Variants in IL1RAPL1 observed in about 807,000 individuals in gnomAD.
The protein encoded by IL1RAPL1 is interleukin 1 receptor accessory protein like 1, also known as interleukin-1 receptor accessory protein-like 1.
A neutral mutation model predicts 48.4 loss-of-function variants in IL1RAPL1; 3 were observed. The ratio of observed to expected loss-of-function variants is 0.06; its 90% confidence interval spans 0.03 to 0.16. The LOEUF is 0.16. IL1RAPL1 is among the 10% of genes least tolerant of loss of function. The pLI is 1.00. For synonymous variants in IL1RAPL1, 185 were observed against 187.7 expected, an observed-to-expected ratio of 0.99 and a Z score of 0.12; for missense variants, 349 against 530.6, an observed-to-expected ratio of 0.66 and a Z score of 3.36.
intron 2 of IL1RAPL1, among the ~76,000 whole-genome samples, chrX:28,943,915 ATCTACT>A (rs1157171226): frequency 1.8e-5 from 2 of 110,778 alleles, no homozygotes; most frequent in African/African-American, 3.3e-5. Context: ...AGATTTGTAA[ATCTACT>A]TTTGTGAAAG....
intron 2 of IL1RAPL1, among the ~76,000 whole-genome samples, chrX:29,123,034 TTTATTTA>T (rs1928828348): frequency 9.2e-6 from 1 of 109,213 alleles, no homozygotes; most frequent in Non-Finnish European, 1.9e-5. Context: ...TATTTATTTA[TTTATTTA>T]TTTTTTGAGA....
intron 6 of IL1RAPL1, among the ~76,000 whole-genome samples, chrX:29,761,829 T>C (rs1928760350): frequency 8.9e-6 from 1 of 112,005 alleles, no homozygotes; most frequent in Non-Finnish European, 1.9e-5. Flanking sequence ...GCACAATATC[T>C]AACAACCTGA....
chrX:28,666,741 G>A (rs994020467), intron 1 of IL1RAPL1, among the ~76,000 whole-genome samples: 1 of 111,929 alleles, frequency 8.9e-6, no homozygotes, highest in Non-Finnish European at 1.9e-5. Flanking sequence ...TTTCTATCAA[G>A]TAGATGATAC....
intron 6 of IL1RAPL1, among the ~76,000 whole-genome samples, chrX:29,847,277 G>T (rs1336993781): frequency 9.0e-6 from 1 of 111,458 alleles, no homozygotes; most frequent in Non-Finnish European, 1.9e-5. Context: ...AATTCAGAAG[G>T]AATCTACCCA....
intron 5 of IL1RAPL1, among the ~76,000 whole-genome samples, chrX:29,460,558 C>CT: frequency 8.9e-6 from 1 of 112,237 alleles, no homozygotes; most frequent in Non-Finnish European, 1.9e-5. Flanking sequence ...CATACTTCAG[C>CT]TTTTTTTAAA....
At chrX:29,886,096 A>G (rs764195443) in intron 6 of IL1RAPL1, among the ~76,000 whole-genome samples, 1 of 112,048 alleles carries the variant, frequency 8.9e-6, no homozygotes, top group African/African-American at 3.2e-5. Flanking sequence ...AAATTTGCAC[A>G]TGGAAAATTA....
intron 2 of IL1RAPL1, among the ~76,000 whole-genome samples, chrX:29,155,848 T>C (rs1929558333): frequency 9.0e-6 from 1 of 111,429 alleles, no homozygotes; most frequent in Admixed American, 9.6e-5. Flanking sequence ...ATTTGACTTT[T>C]GCTTTTATAT....
rs1268652852 is a variant in IL1RAPL1 at position 29,632,152 on chromosome X, C to CTT, written c.704-36265_704-36264dup. On this transcript the variant is annotated intron_variant, in intron 5 of 10. Transcript: ENST00000378993. ...AAGGCAGATATAGTTTTGGTTGTAACTTTTTTTTTTTTTTGAGACAGAGTC... is the reference window on the plus strand; with the variant it reads ...AAGGCAGATATAGTTTTGGTTGTAACTTTTTTTTTTTTTTTTGAGACAGAGTC... Among the ~76,000 whole-genome samples, 311 of 102,153 alleles carry CTT rather than the reference C, an allele frequency of 3.0e-3. 3 individuals carry two copies. Among genetic ancestry groups the CTT allele is most frequent in the African/African-American group, 0.011 (303 of 28,419 alleles). 88.7% of individuals were successfully genotyped at this position (102,153 alleles called of 115,157 possible). A position where few individuals can be genotyped will look rare whatever the true frequency, so the allele number is the denominator to read the frequency against.
chrX:29,737,268 G>C (rs1928073235), intron 6 of IL1RAPL1, among the ~76,000 whole-genome samples: 1 of 111,397 alleles, frequency 9.0e-6, no homozygotes, highest in Non-Finnish European at 1.9e-5. Flanking sequence ...TTCTTTTATG[G>C]ATAAGGGTAC....
chrX:29,567,268 A>C (rs1223409047), intron 5 of IL1RAPL1, among the ~76,000 whole-genome samples: 1 of 111,158 alleles, frequency 9.0e-6, no homozygotes, highest in African/African-American at 3.3e-5. Context: ...TAGCAAGGAG[A>C]GATGCCAGAA....
intron 5 of IL1RAPL1, among the ~76,000 whole-genome samples, chrX:29,446,478 G>A (rs1048962656): frequency 1.8e-5 from 2 of 111,435 alleles, no homozygotes; most frequent in Admixed American, 9.6e-5. Context: ...ACCAATATGT[G>A]CTACATTAAA....
At chrX:29,289,775 C>T (rs924001826) in intron 3 of IL1RAPL1, among the ~76,000 whole-genome samples, 1 of 112,229 alleles carries the variant, frequency 8.9e-6, no homozygotes, top group African/African-American at 3.2e-5. Context: ...ATCCTATAAA[C>T]ATTTTGTTAA....
At chrX:28,812,763 G>A (rs1302042486) in intron 2 of IL1RAPL1, among the ~76,000 whole-genome samples, 2 of 110,786 alleles carry the variant, frequency 1.8e-5, no homozygotes, top group Non-Finnish European at 3.8e-5. Flanking sequence ...TGAAAGGGAA[G>A]CTTAAGGGTA....
chrX:29,592,848 C>T (rs1179655204), intron 5 of IL1RAPL1, among the ~76,000 whole-genome samples: 2 of 111,971 alleles, frequency 1.8e-5, no homozygotes, highest in Admixed American at 9.5e-5. Flanking sequence ...TCCTCTCTCC[C>T]CTTCCTCCTC....
At chrX:29,823,692 G>T (rs957660231) in intron 6 of IL1RAPL1, among the ~76,000 whole-genome samples, 1 of 111,863 alleles carries the variant, frequency 8.9e-6, no homozygotes. Context: ...TATTTCCAGG[G>T]TAGAACTAAT....
At chrX:28,880,773 A>C (rs764383395) in intron 2 of IL1RAPL1, among the ~76,000 whole-genome samples, 28 of 111,362 alleles carry the variant, frequency 2.5e-4, no homozygotes, top group South Asian at 1.9e-3. Flanking sequence ...CCTTTCAGCT[A>C]TTTTATAACT....
At chrX:28,788,364 C>T (rs982990093) in intron 1 of IL1RAPL1, among the ~76,000 whole-genome samples, 3 of 111,885 alleles carry the variant, frequency 2.7e-5, no homozygotes, top group Admixed American at 9.5e-5. Context: ...AAATATTTCT[C>T]CTTTAGAAAT....
chrX:29,218,004 T>A (rs992790955), intron 2 of IL1RAPL1, among the ~76,000 whole-genome samples: 1 of 112,029 alleles, frequency 8.9e-6, no homozygotes, highest in Non-Finnish European at 1.9e-5. Context: ...TCATTAATTT[T>A]CTGGTTATAA....
chrX:29,786,532 A>C (rs1256366041), intron 6 of IL1RAPL1, among the ~76,000 whole-genome samples: 1 of 111,908 alleles, frequency 8.9e-6, no homozygotes, highest in Non-Finnish European at 1.9e-5. Flanking sequence ...CCAAAATAAA[A>C]TGGAAAGCTA....
Sources: gnomAD v4.1 joint callset for allele counts (sites outside exome capture counted in the v4.1 genomes callset) on GRCh38, gnomAD v4.1.1 for gene constraint, MANE v1.5 for transcripts, NCBI Gene and HGNC (gene_info 2026-07-23, HGNC 2026-07-21) for gene names.